The following DYNC1H1 variants were observed in gnomAD, a reference collection of about 807,000 sequenced individuals.
The protein encoded by DYNC1H1 is cytoplasmic dynein 1 heavy chain 1.
A neutral mutation model predicts 527.1 loss-of-function variants in DYNC1H1; 51 were observed. The ratio of observed to expected loss-of-function variants is 0.10; its 90% CI spans 0.08 to 0.12. The LOEUF (loss-of-function observed/expected upper bound fraction) is 0.12, where lower values mean the gene tolerates loss of function less well. Among genes scored for constraint, DYNC1H1 ranks in the 10% least tolerant of loss-of-function variants. The pLI is 1.00. For synonymous variants in DYNC1H1, 2,189 were observed against 2,278.8 expected (o/e 0.96, Z 1.12); for missense variants, 2,771 against 5,971.8 (o/e 0.46, Z 17.66).
chr14:101,999,533 G>A lies in DYNC1H1; in HGVS notation c.3805-456G>A, dbSNP rs552760740. Reference sequence around the variant, plus strand: ...AGTTATTAAAATGAAAAGGAAGTATGCAAATGGTAGTGTTAATGCTGAAGT... The same window carrying A: ...AGTTATTAAAATGAAAAGGAAGTATACAAATGGTAGTGTTAATGCTGAAGT... On this transcript the variant is annotated intron_variant, in intron 16 of 77. Transcript: ENST00000360184. Among the ~76,000 whole-genome samples the A allele has an allele frequency of 2.6e-5, 4 of 152,338 alleles. No homozygotes were observed. In the East Asian group the frequency reaches 7.7e-4, roughly 29 times the overall value.
In DYNC1H1 at chr14:102,016,434, G is replaced by A. The variant is rs985261953; in HGVS notation, c.7559G>A (p.Arg2520Lys). The change falls in exon 37 of 78, where the codon AGA becomes AAA. Residue 2520 changes from arginine to lysine, a missense_variant. Physicochemically the swap from Arg to Lys is conservative, Grantham distance 26. Transcript: ENST00000360184. The surrounding 1 kb of genome is among the most constrained non-coding windows in gnomAD (Gnocchi z 7.3). Reference sequence around the variant, plus strand: ...GCAGAGCTGGGTGAATACATCAGAAGAATCACGACCGTGCCTCTGCCCACT... The same window carrying A: ...GCAGAGCTGGGTGAATACATCAGAAAAATCACGACCGTGCCTCTGCCCACT... ...MRAELGEYIR[R>K]ITTVPLPTAP... 1.9e-6 allele frequency: 3 copies of A among 1,614,084 alleles called. No individual in the cohort carries two copies. Among genetic ancestry groups the A allele is most frequent in the Non-Finnish European group, 2.5e-6 (3 of 1,180,024 alleles).
chr14:102,007,120 T>G lies in DYNC1H1; in HGVS notation c.5817+12T>G, dbSNP rs749588152. On this transcript the variant is annotated intron_variant, in intron 28 of 77. Transcript: ENST00000360184. ...CCTTTGATTTCCAGGTGAGACACTT[T>G]ATGGGATCCACCTAAAATGTAATGC... 1.9e-6 allele frequency: 3 copies of G among 1,613,622 alleles called. No individual in the cohort carries two copies. Among genetic ancestry groups the G allele is most frequent in the Non-Finnish European group, 2.5e-6 (3 of 1,179,534 alleles).
chr14:102,041,678 T>G lies in DYNC1H1; in HGVS notation c.12046T>G (p.Ser4016Ala). 1 of 1,613,726 alleles carries G rather than the reference T, an allele frequency of 6.2e-7. No individual in the cohort carries two copies. The highest frequency in any genetic ancestry group is 8.5e-7 in the Non-Finnish European group (1 of 1,179,954). ...HMFVSTNLGESFMSIMEQPLD... is the reference protein window; with the variant it reads ...HMFVSTNLGEAFMSIMEQPLD... ...GTTTGTTTCAACAAACCTTGGGGAG[T>G]CTTTCATGTCCATCATGGAGCAGCC... The change falls in exon 65 of 78, where the codon TCT becomes GCT. Residue 4016 changes from serine (S) to alanine (A), a missense_variant. Physicochemically the swap from Ser to Ala is moderately conservative, Grantham distance 99 (BLOSUM62 1). This residue lies in a region of DYNC1H1 where 120 missense variants were observed against 161.9 expected (regional missense o/e 0.74). Transcript: ENST00000360184. This position sits in a 1 kb window ranked among gnomAD's most constrained non-coding sequence, Gnocchi z 4.5.
At position 102,042,137 on chromosome 14, in the gene DYNC1H1, G is replaced by C. The variant is rs1362075028; in HGVS notation, c.12214+13G>C. 1.2e-6 allele frequency: 2 copies of C among 1,613,980 alleles called. No homozygotes were observed. The highest frequency in any genetic ancestry group is 1.7e-6 in the Non-Finnish European group (2 of 1,180,024). ...TCAATTGCAATCGGTAAGGATGCTT[G>C]AGGGGCTTCATGGGCTGGAGCCCTG... is the stretch of plus-strand genomic sequence containing the variant. On this transcript the variant is annotated intron_variant, in intron 66 of 77. Coordinates refer to ENST00000360184, the MANE Select transcript of DYNC1H1 (RefSeq NM_001376.5). The surrounding 1 kb of genome is among the most constrained non-coding windows in gnomAD (Gnocchi z 5.7).
At position 102,042,905 on chromosome 14, in the gene DYNC1H1, G is replaced by A; in HGVS notation, c.12513+157G>A. 1.2e-6 allele frequency: 1 copy of A among 851,462 alleles called. No individual in the cohort carries two copies. The highest frequency in any genetic ancestry group is 1.9e-6 in the Non-Finnish European group (1 of 524,988). The allele number at this position is 851,462 out of a possible 1,614,324, so 52.7% of individuals were successfully genotyped here. A position where few individuals can be genotyped will look rare whatever the true frequency, so the allele number is the denominator to read the frequency against. On this transcript the variant is annotated intron_variant, in intron 69 of 77. Coordinates refer to ENST00000360184, the MANE Select transcript of DYNC1H1 (RefSeq NM_001376.5). This position sits in a 1 kb window ranked among gnomAD's most constrained non-coding sequence, Gnocchi z 5.7. ...AGCTGTAGGTAAAATTTCCTTCCAT[G>A]GCCGGGCACCGTGGCTCACACTGGT...
In DYNC1H1 at chr14:102,009,792, TG is replaced by T. The variant is rs369074460; in HGVS notation, c.5978-50del. 6.4e-5 allele frequency: 103 copies of T among 1,609,060 alleles called. No individual in the cohort carries two copies. In the Admixed American group the frequency reaches 9.4e-4, roughly 15 times the overall value. On this transcript the variant is annotated intron_variant, in intron 29 of 77. Coordinates refer to ENST00000360184, the MANE Select transcript of DYNC1H1 (RefSeq NM_001376.5). ...TTTAGAGACATTTTAGAATGCATTT[TG>T]TTTTTTTTTTTTAACATTTCTAGTC...
chr14:102,044,521 G>A lies in DYNC1H1; in HGVS notation c.12902+30G>A, dbSNP rs370629927. 3 of 1,614,060 alleles carry A rather than the reference G, an allele frequency of 1.9e-6. No individual in the cohort carries two copies. The highest frequency in any genetic ancestry group is 4.5e-5 in the East Asian group (2 of 44,894). ...GCTGCTGCCTGCTGGAATGGAGACA[G>A]TTGTGATGTCAGGGCGTCTGGTGTC... On this transcript the variant is annotated intron_variant, in intron 71 of 77. Coordinates refer to ENST00000360184, the MANE Select transcript of DYNC1H1 (RefSeq NM_001376.5). This position sits in a 1 kb window ranked among gnomAD's most constrained non-coding sequence, Gnocchi z 7.1.
rs142355068 is a variant in DYNC1H1 at position 101,973,776 on chromosome 14, C to A, written c.257-1936C>A. Among the ~76,000 whole-genome samples, 13 of 152,240 alleles carry A rather than the reference C, an allele frequency of 8.5e-5. No individual in the cohort carries two copies. The East Asian group carries it at 2.5e-3, about 29-fold the overall frequency. ...GTGTGATGAAGCCACTGCGTTCCAG[C>A]CTGGGCGGCAGAGCAAGACATTGTC... On this transcript the variant is annotated intron_variant, in intron 1 of 77. Transcript: ENST00000360184.
Position 101,986,723 on chromosome 14 carries a change from T to C in DYNC1H1, c.2498T>C (p.Val833Ala). 1 of 1,614,212 alleles carries C rather than the reference T, an allele frequency of 6.2e-7. No homozygotes were observed. Among genetic ancestry groups the C allele is most frequent in the Non-Finnish European group, 8.5e-7 (1 of 1,180,040 alleles). Residue 833 changes from valine to alanine, a missense_variant, in exon 8 of 78, where the codon GTA becomes GCA. This residue lies in a region of DYNC1H1 where 179 missense variants were observed against 349.4 expected (regional missense o/e 0.51). Coordinates refer to ENST00000360184, the MANE Select transcript of DYNC1H1 (RefSeq NM_001376.5). This position sits in a 1 kb window ranked among gnomAD's most constrained non-coding sequence, Gnocchi z 8.7. ...GAGTCCTACAAACTTGACCCATATGTACAGCGCTTAGCAGAGACTGTCTTC... is the reference window on the plus strand; with the variant it reads ...GAGTCCTACAAACTTGACCCATATGCACAGCGCTTAGCAGAGACTGTCTTC... Reference protein sequence around the residue: ...VWESYKLDPYVQRLAETVFNF... With the variant: ...VWESYKLDPYAQRLAETVFNF...
At position 102,018,466 on chromosome 14, in the gene DYNC1H1, G is replaced by A; in HGVS notation, c.8193G>A (p.Val2731=). Reference sequence around the variant, plus strand: ...CTGTGCACAGGTTCCTGCGCCACGTGCCTGTCGTGTATGTGGATTACCCGG... The same window carrying A: ...CTGTGCACAGGTTCCTGCGCCACGTACCTGTCGTGTATGTGGATTACCCGG... ...KPLSHRFLRH[V]PVVYVDYPGP... Residue 2731 remains valine, a synonymous_variant, in exon 41 of 78, where the codon GTG becomes GTA. Transcript: ENST00000360184. This position sits in a 1 kb window ranked among gnomAD's most constrained non-coding sequence, Gnocchi z 5.2. The A allele has an allele frequency of 6.2e-7, 1 of 1,613,658 alleles. No homozygotes were observed. Among genetic ancestry groups the A allele is most frequent in the Non-Finnish European group, 8.5e-7 (1 of 1,180,030 alleles).
chr14:102,030,147 A>ATCCC lies in DYNC1H1; in HGVS notation c.9763-11_9763-8dup. 6.2e-7 allele frequency: 1 copy of ATCCC among 1,614,136 alleles called. No individual in the cohort carries two copies. Among genetic ancestry groups the ATCCC allele is most frequent in the Non-Finnish European group, 8.5e-7 (1 of 1,180,038 alleles). ...CCAATGCTTAACCCATACCTAAGCC[A>ATCCC]TCCCTCCTTTCTAGGTTATGAGCCA... On this transcript the variant is annotated splice_polypyrimidine_tract_variant and intron_variant, in intron 50 of 77. Transcript: ENST00000360184.
At position 102,005,134 on chromosome 14, in the gene DYNC1H1, C is replaced by G; in HGVS notation, c.5331C>G (p.Pro1777=). The change falls in exon 26 of 78, where the codon CCC becomes CCG. Residue 1777 remains proline, a synonymous_variant. Transcript: ENST00000360184. This position sits in a 1 kb window ranked among gnomAD's most constrained non-coding sequence, Gnocchi z 4.0. The part of the protein sequence containing the change: ...SSMGGGGDAA[P]LHSVLSNVEV... ...TGGGCGGAGGTGGAGATGCCGCGCC[C>G]TTGCACTCTGTGCTGAGCAATGTGG... 6.2e-7 allele frequency: 1 copy of G among 1,614,194 alleles called. No individual in the cohort carries two copies. Among genetic ancestry groups the G allele is most frequent in the South Asian group, 1.1e-5 (1 of 91,088 alleles).
intron 1 of DYNC1H1, among the ~76,000 whole-genome samples, chr14:101,970,347 G>A (rs2047718051): frequency 6.6e-6 from 1 of 151,650 alleles, no homozygotes; most frequent in Non-Finnish European, 1.5e-5. Context: ...ACATGCAGGT[G>A]ACAAGAGAAA....
Position 102,005,284 on chromosome 14 carries a change from C to T in DYNC1H1, c.5433+48C>T. The T allele has an allele frequency of 6.2e-7, 1 of 1,605,376 alleles. No homozygotes were observed. Among genetic ancestry groups the T allele is most frequent in the Non-Finnish European group, 8.5e-7 (1 of 1,172,648 alleles). On this transcript the variant is annotated intron_variant, in intron 26 of 77. Coordinates refer to ENST00000360184, the MANE Select transcript of DYNC1H1 (RefSeq NM_001376.5). The surrounding 1 kb of genome is among the most constrained non-coding windows in gnomAD (Gnocchi z 4.0). The stretch of plus-strand genomic sequence containing the variant: ...TCCTTACCAGTTAGACTCTTACACC[C>T]TCAACCACACAGTTAAATGGAAATC...
At position 101,980,699 on chromosome 14, in the gene DYNC1H1, C is replaced by T. The variant is rs1286549983; in HGVS notation, c.961+149C>T. 4.2e-6 allele frequency: 4 copies of T among 959,784 alleles called. No homozygotes were observed. The East Asian group carries it at 1.0e-4, about 25-fold the overall frequency. 59.5% of individuals were successfully genotyped at this position (959,784 alleles called of 1,614,324 possible). The stretch of plus-strand genomic sequence containing the variant: ...TTCTTACATCACATCTTATCTTTCC[C>T]TCAGTTCCAAGTAATGAAAATTATT... On this transcript the variant is annotated intron_variant, in intron 5 of 77. Transcript: ENST00000360184.
Position 102,011,145 on chromosome 14 carries a change from T to G in DYNC1H1, c.6618+193T>G. 3 of 663,384 alleles carry G rather than the reference T, an allele frequency of 4.5e-6. No individual in the cohort carries two copies. Among genetic ancestry groups the G allele is most frequent in the Non-Finnish European group, 8.0e-6 (3 of 375,460 alleles). The allele number at this position is 663,384 out of a possible 1,614,324, so 41.1% of individuals were successfully genotyped here. Reference sequence around the variant, plus strand: ...TGTTTAAATGAAGAGGAAACAATACTTAACCTGAAAATTTTACATGATACA... The same window carrying G: ...TGTTTAAATGAAGAGGAAACAATACGTAACCTGAAAATTTTACATGATACA... On this transcript the variant is annotated intron_variant, in intron 32 of 77. Coordinates refer to ENST00000360184, the MANE Select transcript of DYNC1H1 (RefSeq NM_001376.5). The surrounding 1 kb of genome is among the most constrained non-coding windows in gnomAD (Gnocchi z 5.3).
rs1233679203 is a variant in DYNC1H1 at position 102,033,928 on chromosome 14, A to G, written c.10414-48A>G. The stretch of plus-strand genomic sequence containing the variant: ...AACCGATTTGCAGGATTCGGTATAA[A>G]TCCTGAAAGGCCTCATCCCTGAGCA... On this transcript the variant is annotated intron_variant, in intron 54 of 77. Transcript: ENST00000360184. This position sits in a 1 kb window ranked among gnomAD's most constrained non-coding sequence, Gnocchi z 5.6. 2.5e-6 allele frequency: 4 copies of G among 1,601,198 alleles called. No homozygotes were observed. Among genetic ancestry groups the G allele is most frequent in the Non-Finnish European group, 3.4e-6 (4 of 1,170,288 alleles).
chr14:102,038,277 CTGAG>C lies in DYNC1H1; in HGVS notation c.10909-181_10909-178del. On this transcript the variant is annotated intron_variant, in intron 57 of 77. Transcript: ENST00000360184. The surrounding 1 kb of genome is among the most constrained non-coding windows in gnomAD (Gnocchi z 7.2). ...TACAGGCGTGAGCCACCGCATCTGGCTGAGTTTTTAATTTTAGTTCATTTAAATG... is the reference window on the plus strand; with the variant it reads ...TACAGGCGTGAGCCACCGCATCTGGCTTTTTAATTTTAGTTCATTTAAATG... The C allele has an allele frequency of 9.6e-7, 1 of 1,044,388 alleles. No individual in the cohort carries two copies. Among genetic ancestry groups the C allele is most frequent in the East Asian group, 2.6e-5 (1 of 38,002 alleles). 64.7% of individuals were successfully genotyped at this position (1,044,388 alleles called of 1,614,324 possible). A position where few individuals can be genotyped will look rare whatever the true frequency, so the allele number is the denominator to read the frequency against.
rs1289780297 is a variant in DYNC1H1 at position 102,002,224 on chromosome 14, C to T, written c.4543-313C>T. Among the ~76,000 whole-genome samples the T allele has an allele frequency of 6.6e-6, 1 of 152,026 alleles. No homozygotes were observed. The highest frequency in any genetic ancestry group is 1.5e-5 in the Non-Finnish European group (1 of 68,004). The stretch of plus-strand genomic sequence containing the variant: ...CTCCCGGGTTGAAGTGATTCTCCCG[C>T]CTCAGCCTCCCAAGTAGCTGGGATT... On this transcript the variant is annotated intron_variant, in intron 21 of 77. Transcript: ENST00000360184. This position sits in a 1 kb window ranked among gnomAD's most constrained non-coding sequence, Gnocchi z 4.4.
Sources: allele counts gnomAD v4.1 joint callset (sites outside exome capture counted in the v4.1 genomes callset), GRCh38; gene constraint gnomAD v4.1.1; regional missense constraint gnomAD v4.1.1; non-coding constraint Gnocchi (gnomAD v3.1); transcripts MANE v1.5; gene names NCBI Gene and HGNC (gene_info 2026-07-23, HGNC 2026-07-21).